Variants in PLEKHG1 observed in about 807,000 individuals in gnomAD.
The protein encoded by PLEKHG1 is pleckstrin homology and RhoGEF domain containing G1, also known as pleckstrin homology domain-containing family G member 1.
PLEKHG1 carries 44 observed loss-of-function variants against 100.8 expected under a neutral mutation model. That is an observed-to-expected ratio of 0.44 (90% CI 0.34 to 0.56). The LOEUF is 0.56. Ranked by LOEUF, PLEKHG1 falls within the 20% of genes least tolerant of loss-of-function variation. The pLI is 0.01. For synonymous variants in PLEKHG1, 640 were observed against 662.5 expected (o/e 0.97, Z 0.52); for missense variants, 1,545 against 1,720.9 (o/e 0.90, Z 1.81).
At chr6:150,762,356 ATTT>A (rs35841121) in intron 2 of PLEKHG1, among the ~76,000 whole-genome samples, 10 of 145,770 alleles carry the variant, frequency 6.9e-5, no homozygotes, top group East Asian at 4.0e-4. Flanking sequence ...AGCCCGGCTA[ATTT>A]TTTTTTTTTT....
chr6:150,635,435 A>G (rs56247763), intron 1 of PLEKHG1, among the ~76,000 whole-genome samples: 5,119 of 152,306 alleles, frequency 0.034, 282 homozygotes, highest in African/African-American at 0.12. Flanking sequence ...ATTTGTGGAT[A>G]CACTAAGTGT....
Position 150,830,514 on chromosome 6 carries a change from GA to G in PLEKHG1, c.1471-65del, listed in dbSNP as rs1776855801. On this transcript the variant is annotated intron_variant, in intron 14 of 15. Coordinates refer to ENST00000358517, the Ensembl canonical transcript of PLEKHG1. ...GGGGAGGCAGTGTGTAAACACAGGA[GA>G]AATTCCTGAGTTATGTGTCTTCTCC... 4 of 1,180,492 alleles carry G rather than the reference GA, an allele frequency of 3.4e-6. No homozygotes were observed. The East Asian group carries it at 9.4e-5, about 28-fold the overall frequency. 73.1% of individuals were successfully genotyped at this position (1,180,492 alleles called of 1,614,324 possible).
intron 1 of PLEKHG1, among the ~76,000 whole-genome samples, chr6:150,726,621 T>C (rs914820379): frequency 2.6e-4 from 39 of 152,228 alleles, no homozygotes; most frequent in African/African-American, 8.7e-4. Flanking sequence ...TAAAGACTAA[T>C]AGATTTACAT....
chr6:150,684,175 G>A (rs1745373340), intron 3 of PLEKHG1, among the ~76,000 whole-genome samples: 2 of 152,194 alleles, frequency 1.3e-5, no homozygotes, highest in African/African-American at 4.8e-5. Flanking sequence ...GTAAGCAAAT[G>A]TGGAAAGCGT....
intron 14 of PLEKHG1, among the ~76,000 whole-genome samples, chr6:150,826,186 G>A (rs552925669): frequency 6.6e-5 from 10 of 151,914 alleles, no homozygotes; most frequent in Non-Finnish European, 1.2e-4. Context: ...GGCTGGGCGC[G>A]GTGGCTCACA....
In PLEKHG1 at chr6:150,830,968, T is replaced by G. The variant is rs761288385; in HGVS notation, c.1857T>G (p.Pro619=). 4 of 1,613,774 alleles carry G rather than the reference T, an allele frequency of 2.5e-6. No individual in the cohort carries two copies. The Admixed American group carries it at 6.7e-5, about 27-fold the overall frequency. Reference sequence around the variant, plus strand: ...GTGCTGGGGAGAGCAACACATGCCCTCCTGAAATAGGAACTAGTGACAGAA... The same window carrying G: ...GTGCTGGGGAGAGCAACACATGCCCGCCTGAAATAGGAACTAGTGACAGAA... Residue 619 remains proline, a synonymous_variant, in exon 15 of 16, where the codon CCT becomes CCG. Transcript: ENST00000358517.
intron 3 of PLEKHG1, among the ~76,000 whole-genome samples, chr6:150,679,963 C>T (rs1779880117): frequency 6.6e-6 from 1 of 152,034 alleles, no homozygotes; most frequent in Admixed American, 6.6e-5. Flanking sequence ...GTGTGTCTGG[C>T]ATGGTATGGG....
chr6:150,682,223 T>A (rs980292123), intron 3 of PLEKHG1, among the ~76,000 whole-genome samples: 4 of 152,104 alleles, frequency 2.6e-5, no homozygotes, highest in Non-Finnish European at 4.4e-5. Context: ...GTGGCAAAGT[T>A]GTCAGCAGCT....
chr6:150,823,765 G>A (rs373273459), intron 14 of PLEKHG1, 89 bp downstream of exon 15: 26 of 835,230 alleles, frequency 3.1e-5, no homozygotes, highest in Middle Eastern at 2.3e-4. Context: ...TCTCCAGCCC[G>A]TATTCCAAGT....
intron 1 of PLEKHG1, among the ~76,000 whole-genome samples, chr6:150,628,527 A>AAC (rs565121317): frequency 0.033 from 3,114 of 94,750 alleles, 74 homozygotes; most frequent in East Asian, 0.062. Context: ...TAGATAGGAA[A>AAC]ACACACACAC....
At chr6:150,809,556 C>A in intron 9 of PLEKHG1, 80 bp downstream of exon 10, 1 of 1,482,140 alleles carries the variant, frequency 6.7e-7, no homozygotes, top group Non-Finnish European at 9.4e-7. Context: ...TTTTTGAGAG[C>A]GTTCTGGCCA....
At chr6:150,821,450 G>T (rs1002106405) in intron 13 of PLEKHG1, among the ~76,000 whole-genome samples, 45 of 152,282 alleles carry the variant, frequency 3.0e-4, no homozygotes, top group Non-Finnish European at 4.4e-5. Context: ...TTGGGAGGCC[G>T]AGGCGGGCGG....
At chr6:150,675,315 G>A (rs9480522) in intron 3 of PLEKHG1, among the ~76,000 whole-genome samples, 11,910 of 152,164 alleles carry the variant, frequency 0.078, 550 homozygotes, top group Non-Finnish European at 0.1. Flanking sequence ...GAAGACACGC[G>A]GCTCATAAGT....
intron 3 of PLEKHG1, among the ~76,000 whole-genome samples, chr6:150,715,401 C>T (rs1005212870): frequency 2.0e-5 from 3 of 151,894 alleles, no homozygotes; most frequent in African/African-American, 4.8e-5. Context: ...GGAAGGTCAG[C>T]GTGTTCTTCT....
chr6:150,614,552 A>G (rs1400665356), intron 1 of PLEKHG1, among the ~76,000 whole-genome samples: 1 of 152,150 alleles, frequency 6.6e-6, no homozygotes, highest in African/African-American at 2.4e-5. Context: ...AACCAAATCA[A>G]GAGTTCCCAA....
At chr6:150,779,347 T>TGTTTTTTTTA (rs10653471) in intron 3 of PLEKHG1, among the ~76,000 whole-genome samples, 1 of 128,376 alleles carries the variant, frequency 7.8e-6, no homozygotes, top group Admixed American at 8.7e-5. Flanking sequence ...TCAAGAAGTT[T>TGTTTTTTTTA]TTTTTTTTTT....
chr6:150,668,097 T>C (rs1582915325), intron 3 of PLEKHG1, among the ~76,000 whole-genome samples: 1 of 152,260 alleles, frequency 6.6e-6, no homozygotes, highest in South Asian at 2.1e-4. Flanking sequence ...AACTGGTTGC[T>C]GTTGGCTGTG....
intron 15 of PLEKHG1, 103 bp downstream of exon 16, chr6:150,832,308 C>T: frequency 1.1e-6 from 1 of 941,960 alleles, no homozygotes. Context: ...AACACTGACA[C>T]TCAAGCTTTG....
At chr6:150,642,706 G>A (rs2128569104) in intron 2 of PLEKHG1, among the ~76,000 whole-genome samples, 1 of 152,162 alleles carries the variant, frequency 6.6e-6, no homozygotes, top group East Asian at 1.9e-4. Flanking sequence ...TATGCTGTTG[G>A]TGCTCAAATG....
Sources: allele counts gnomAD v4.1 joint callset (sites outside exome capture counted in the v4.1 genomes callset), GRCh38; gene constraint gnomAD v4.1.1; transcripts MANE v1.5; gene names NCBI Gene and HGNC (gene_info 2026-07-23, HGNC 2026-07-21).